SV2C: variants seen among roughly 807,000 people sequenced by gnomAD.
SV2C encodes synaptic vesicle glycoprotein 2C.
In SV2C, 49 loss-of-function variants were observed where a neutral mutation model predicts 79.7. The observed-to-expected ratio is 0.61, with a 90% CI of 0.49 to 0.78. The LOEUF (loss-of-function observed/expected upper bound fraction) is 0.78, where lower values mean the gene tolerates loss of function less well. Ranked by LOEUF, SV2C falls within the 30% of genes least tolerant of loss-of-function variation. SV2C has a pLI of 0.00. For missense variants in SV2C, 833 were observed against 912.9 expected, an observed-to-expected ratio of 0.91 and a Z score of 1.13; for synonymous variants, 334 against 333.2, an observed-to-expected ratio of 1.00 and a Z score of -0.03.
chr5:76,097,218 T>G (rs1167041024), intron 1 of SV2C, among the ~76,000 whole-genome samples: 3 of 152,236 alleles, frequency 2.0e-5, no homozygotes, highest in Admixed American at 1.3e-4. Context: ...CTGTTTCTAA[T>G]AATTTAAGCC....
At chr5:76,049,019 G>GAAAGAAAGAA in the SV2C span, among the ~76,000 whole-genome samples, 1 of 89,262 alleles carries the variant, frequency 1.1e-5, no homozygotes, top group Non-Finnish European at 2.2e-5. Flanking sequence ...AAGAAAGAAA[G>GAAAGAAAGAA]AAAGAAAAAG....
the SV2C span, among the ~76,000 whole-genome samples, chr5:76,047,748 G>A: frequency 3.3e-5 from 5 of 150,644 alleles, no homozygotes; most frequent in African/African-American, 7.3e-5. Context: ...ACAATATACC[G>A]TATTCTTTTT....
At chr5:76,203,537 A>C (rs565716361) in intron 3 of SV2C, among the ~76,000 whole-genome samples, 148 of 152,204 alleles carry the variant, frequency 9.7e-4, no homozygotes, top group Admixed American at 2.5e-3. Context: ...ACAGTATTAA[A>C]GTCTTGATCC....
the SV2C span, among the ~76,000 whole-genome samples, chr5:76,035,255 T>C: frequency 6.6e-6 from 1 of 152,094 alleles, no homozygotes; most frequent in Non-Finnish European, 1.5e-5. Context: ...TTTCCTTCAG[T>C]TCTGCTCTGA....
chr5:76,301,480 A>T lies in SV2C; in HGVS notation c.1935A>T (p.Gly645=). The change falls in exon 12 of 13, where the codon GGA becomes GGT. Residue 645 remains glycine (G), a synonymous_variant. Transcript: ENST00000502798. ...TAGGCATGCTGTGTCTGTACAATGGATTGACCATCTCAGCCTGGAACTCTC... is the reference window on the plus strand; with the variant it reads ...TAGGCATGCTGTGTCTGTACAATGGTTTGACCATCTCAGCCTGGAACTCTC... The part of the protein sequence containing the change: ...MMIGMLCLYN[G]LTISAWNSLD... 1 of 1,614,038 alleles carries T rather than the reference A, an allele frequency of 6.2e-7. No individual in the cohort carries two copies. The highest frequency in any genetic ancestry group is 8.5e-7 in the Non-Finnish European group (1 of 1,179,988).
chr5:75,948,657 A>G, the SV2C span, among the ~76,000 whole-genome samples: 1 of 152,014 alleles, frequency 6.6e-6, no homozygotes, highest in Non-Finnish European at 1.5e-5. Flanking sequence ...CCTCAAGGAA[A>G]TGGGGAAGTG....
the SV2C span, among the ~76,000 whole-genome samples, chr5:75,975,884 T>C: frequency 6.6e-6 from 1 of 152,188 alleles, no homozygotes; most frequent in African/African-American, 2.4e-5. Context: ...CTGTCCTCTC[T>C]GATAGGCAAA....
chr5:75,888,289 A>G, the SV2C span, among the ~76,000 whole-genome samples: 1 of 151,888 alleles, frequency 6.6e-6, no homozygotes, highest in African/African-American at 2.4e-5. Flanking sequence ...GTACCATTAG[A>G]CATGGTTTAT....
chr5:76,173,510 A>G (rs1302310048), intron 2 of SV2C: 1 of 981,024 alleles, frequency 1.0e-6, no homozygotes, highest in Non-Finnish European at 1.7e-6. Context: ...CTTAAAGGGT[A>G]CCACCACAGG....
At chr5:76,117,087 C>G (rs78491504) in intron 1 of SV2C, among the ~76,000 whole-genome samples, 2,620 of 152,274 alleles carry the variant, frequency 0.017, 80 homozygotes, top group African/African-American at 0.054. Flanking sequence ...AGTGTATCCA[C>G]TCTGTTCCAC....
chr5:76,192,180 A>C (rs1303608318), intron 2 of SV2C, among the ~76,000 whole-genome samples: 2 of 152,224 alleles, frequency 1.3e-5, no homozygotes, highest in African/African-American at 4.8e-5. Context: ...AAGCACCCTC[A>C]GATTCTAAGG....
the SV2C span, among the ~76,000 whole-genome samples, chr5:75,881,634 C>G: frequency 6.6e-6 from 1 of 152,036 alleles, no homozygotes; most frequent in Non-Finnish European, 1.5e-5. Flanking sequence ...TTGTGATTTT[C>G]GTACGTTGAT....
At chr5:76,140,013 T>C (rs558422030) in intron 2 of SV2C, among the ~76,000 whole-genome samples, 2 of 152,268 alleles carry the variant, frequency 1.3e-5, no homozygotes, top group South Asian at 4.1e-4. Flanking sequence ...TAAATATAGA[T>C]ATTTACAAAT....
In SV2C at chr5:76,314,530, C is replaced by A. The variant is rs1748557798; in HGVS notation, c.2001-10834C>A. ...AAATAGCTGGATAATTTGGAAAAGG[C>A]CTTTCACCCTTCTGAGCCTTGGTTT... is the stretch of plus-strand genomic sequence containing the variant. On this transcript the variant is annotated intron_variant, in intron 12 of 12. Transcript: ENST00000502798. Among the ~76,000 whole-genome samples, 3 of 152,186 alleles carry A rather than the reference C, an allele frequency of 2.0e-5. No homozygotes were observed. The South Asian group carries it at 6.2e-4, about 32-fold the overall frequency.
the SV2C span, among the ~76,000 whole-genome samples, chr5:75,902,969 G>T: frequency 1.3e-5 from 2 of 152,056 alleles, no homozygotes; most frequent in Admixed American, 6.6e-5. Flanking sequence ...CACTGGGCTA[G>T]GTATATTATA....
At chr5:76,282,847 TA>T (rs1397126752) in intron 4 of SV2C, among the ~76,000 whole-genome samples, 2 of 151,826 alleles carry the variant, frequency 1.3e-5, no homozygotes, top group East Asian at 3.9e-4. Flanking sequence ...CCGTCTCTAC[TA>T]AAAATTCAAA....
chr5:76,155,387 C>G (rs979151725), intron 2 of SV2C, among the ~76,000 whole-genome samples: 61 of 152,322 alleles, frequency 4.0e-4, no homozygotes, highest in African/African-American at 1.5e-3. Flanking sequence ...TTTCTTCCCC[C>G]ACTCCAAACT....
At chr5:75,891,514 T>C in the SV2C span, among the ~76,000 whole-genome samples, 1 of 152,170 alleles carries the variant, frequency 6.6e-6, no homozygotes, top group African/African-American at 2.4e-5. Flanking sequence ...AGAGAAAAAC[T>C]ATATTGAGTA....
intron 4 of SV2C, among the ~76,000 whole-genome samples, chr5:76,257,046 G>A (rs1746289872): frequency 6.6e-6 from 1 of 152,168 alleles, no homozygotes; most frequent in South Asian, 2.1e-4. Context: ...GTTTAGGCCA[G>A]TTGTCAGACT....
Sources: gnomAD v4.1 joint callset for allele counts (sites outside exome capture counted in the v4.1 genomes callset) on GRCh38, gnomAD v4.1.1 for gene constraint, MANE v1.5 for transcripts, NCBI Gene and HGNC (gene_info 2026-07-23, HGNC 2026-07-21) for gene names.